Variants in DTNBP1 observed in about 807,000 individuals in gnomAD.
DTNBP1 encodes the protein dystrobrevin binding protein 1, also known as dysbindin.
Under a neutral mutation model 42.8 loss-of-function variants are expected in DTNBP1, and 35 were observed. The observed-to-expected ratio is 0.82, with a 90% CI of 0.63 to 1.09. DTNBP1 has a LOEUF of 1.09. Among genes scored for constraint, DTNBP1 ranks in the 50% least tolerant of loss-of-function variants. The pLI, the probability that DTNBP1 is intolerant of heterozygous loss-of-function variation, is 0.00. For missense variants in DTNBP1, 457 were observed against 424.2 expected, an observed-to-expected ratio of 1.08 and a Z score of -0.68; for synonymous variants, 171 against 162.2, an observed-to-expected ratio of 1.05 and a Z score of -0.41.
chr6:15,620,168 G>A (rs1389090586), intron 5 of DTNBP1, among the ~76,000 whole-genome samples: 3 of 152,018 alleles, frequency 2.0e-5, no homozygotes, highest in Admixed American at 6.6e-5. Context: ...GTAGTTCATG[G>A]TGCTTTTGAA....
intron 7 of DTNBP1, among the ~76,000 whole-genome samples, chr6:15,536,274 G>A (rs754693814): frequency 6.6e-5 from 10 of 152,258 alleles, no homozygotes; most frequent in Non-Finnish European, 1.0e-4. Context: ...AAGACAATGC[G>A]GAAAATGTCT....
chr6:15,612,297 A>C lies in DTNBP1; in HGVS notation c.488+2970T>G, dbSNP rs148961346. Among the ~76,000 whole-genome samples the C allele has an allele frequency of 8.5e-3, 1,297 of 152,024 alleles. 21 individuals carry two copies. Among genetic ancestry groups the C allele is most frequent in the African/African-American group, 0.029 (1,215 of 41,544 alleles). The stretch of plus-strand genomic sequence containing the variant: ...ACATTGTGCTTTAAGACATAATGCT[A>C]GTGCACATTTAATAGACTACATACT... On this transcript the variant is annotated intron_variant, in intron 6 of 9. Coordinates refer to ENST00000344537, the MANE Select transcript of DTNBP1 (RefSeq NM_032122.5).
chr6:15,615,120 T>C (rs759615925), intron 6 of DTNBP1, 147 bp downstream of exon 6: 3 of 1,278,114 alleles, frequency 2.3e-6, no homozygotes, highest in Admixed American at 1.8e-5. Flanking sequence ...ACAGTGGTTT[T>C]TAAAAAAAGT....
Position 15,627,440 on chromosome 6 carries a change from G to A in DTNBP1, c.258C>T (p.His86=). Residue 86 remains histidine, a synonymous_variant, in exon 5 of 10, where the codon CAC becomes CAT. Transcript: ENST00000344537. ...VDSEVVMLSA[H]WEKKKTSLVE... ...CGAGGCTTGTCTTTTTCTTCTCCCA[G>A]TGCGCAGAAAGCATGACCACCTCGC... 1 of 1,614,012 alleles carries A rather than the reference G, an allele frequency of 6.2e-7. No individual in the cohort carries two copies. Among genetic ancestry groups the A allele is most frequent in the Non-Finnish European group, 8.5e-7 (1 of 1,179,982 alleles).
rs77773212 is a variant in DTNBP1 at position 15,575,930 on chromosome 6, C to T, written c.511+17129G>A. On this transcript the variant is annotated intron_variant, in intron 7 of 9. Transcript: ENST00000344537. ...AAAGCTGATGCAAGATGTTGCGCTA[C>T]GTGCTGCTGGCCCATGAGCTGTGAG... Among the ~76,000 whole-genome samples, 261 of 152,256 alleles carry T rather than the reference C, an allele frequency of 1.7e-3. 4 individuals carry two copies. In the East Asian group the frequency reaches 0.034, roughly 20 times the overall value.
In DTNBP1 at chr6:15,628,398, C is replaced by CTTTT. The variant is rs70996561; in HGVS notation, c.223-927_223-924dup. ...ATTTGTACATCTCAAGATTAAGGTT[C>CTTTT]TTTTTTTTTTTTTTTTTTTTTTTTG... On this transcript the variant is annotated intron_variant, in intron 4 of 9. Coordinates refer to ENST00000344537, the MANE Select transcript of DTNBP1 (RefSeq NM_032122.5). Among the ~76,000 whole-genome samples, 585 of 77,064 alleles carry CTTTT rather than the reference C, an allele frequency of 7.6e-3. 11 individuals are homozygous for CTTTT. The highest frequency in any genetic ancestry group is 0.015 in the African/African-American group (275 of 18,794). 50.6% of individuals were successfully genotyped at this position (77,064 alleles called of 152,430 possible).
At position 15,523,213 on chromosome 6, in the gene DTNBP1, T is replaced by G. The variant is rs1213871304; in HGVS notation, c.818A>C (p.Glu273Ala). Reference protein sequence around the residue: ...NTVLSPALGPESSTCQNEITL... With the variant: ...NTVLSPALGPASSTCQNEITL... ...AATCTCATTCTGACAGGTACTGGATTCAGGCCCTGCAAAATAACGTAGGGA... is the reference window on the plus strand; with the variant it reads ...AATCTCATTCTGACAGGTACTGGATGCAGGCCCTGCAAAATAACGTAGGGA... Residue 273 changes from glutamate to alanine, a missense_variant, in exon 10 of 10, where the codon GAA becomes GCA. By Grantham distance (107) the Glu-to-Ala change is moderately radical (BLOSUM62 -1). Coordinates refer to ENST00000344537, the MANE Select transcript of DTNBP1 (RefSeq NM_032122.5). The G allele has an allele frequency of 1.9e-6, 3 of 1,614,022 alleles. No individual in the cohort carries two copies. The Admixed American group carries it at 5.0e-5, about 27-fold the overall frequency.
At chr6:15,545,867 G>C (rs921666873) in intron 7 of DTNBP1, among the ~76,000 whole-genome samples, 11 of 152,118 alleles carry the variant, frequency 7.2e-5, no homozygotes, top group African/African-American at 2.7e-4. Context: ...AGTTAAGACA[G>C]AATGCTCAAC....
chr6:15,548,963 T>TC (rs773944017), intron 7 of DTNBP1, among the ~76,000 whole-genome samples: 9 of 152,360 alleles, frequency 5.9e-5, no homozygotes, highest in Non-Finnish European at 8.8e-5. Context: ...TCTATCTTAT[T>TC]CATTCAAGAA....
At chr6:15,524,051 A>G (rs2127786223) in intron 9 of DTNBP1, 6 of 1,297,570 alleles carry the variant, frequency 4.6e-6, no homozygotes, top group Non-Finnish European at 6.0e-6. Context: ...GAAGGGATGA[A>G]AGGAACTGAA....
intron 7 of DTNBP1, among the ~76,000 whole-genome samples, chr6:15,535,615 C>G (rs1031474549): frequency 6.6e-6 from 1 of 152,180 alleles, no homozygotes; most frequent in African/African-American, 2.4e-5. Flanking sequence ...CCTCACCCAG[C>G]CTCAGGTATT....
intron 8 of DTNBP1, among the ~76,000 whole-genome samples, chr6:15,525,792 G>A (rs907309512): frequency 1.2e-4 from 18 of 152,180 alleles, no homozygotes; most frequent in African/African-American, 2.7e-4. Context: ...ATGCAGAAGC[G>A]TAGCATCTGG....
intron 3 of DTNBP1, among the ~76,000 whole-genome samples, chr6:15,648,654 CA>C (rs529141901): frequency 2.8e-4 from 43 of 151,634 alleles, no homozygotes; most frequent in Non-Finnish European, 4.6e-4. Flanking sequence ...ATGATAGCAT[CA>C]AAAAATACTT....
Position 15,533,491 on chromosome 6 carries a change from G to C in DTNBP1, c.512-96C>G, listed in dbSNP as rs1005528477. 2.5e-6 allele frequency: 4 copies of C among 1,578,792 alleles called. No individual in the cohort carries two copies. In the African/African-American group the frequency reaches 4.0e-5, roughly 16 times the overall value. ...CTCGCATCCACCCTCCAAGTGGATG[G>C]AGTCATGCCGCGTTTACAGACTGGG... On this transcript the variant is annotated intron_variant, in intron 7 of 9. Transcript: ENST00000344537.
Position 15,572,887 on chromosome 6 carries a change from A to G in DTNBP1, c.511+20172T>C, listed in dbSNP as rs1290372713. 5.9e-5 allele frequency among the ~76,000 whole-genome samples: 9 copies of G among 152,044 alleles called. No homozygotes were observed. In the East Asian group the frequency reaches 1.7e-3, roughly 29 times the overall value. ...GCTTGGACTACAGGTATGCACCACC[A>G]CAACCAGCTAATTTTTTAATTATTT... On this transcript the variant is annotated intron_variant, in intron 7 of 9. Coordinates refer to ENST00000344537, the MANE Select transcript of DTNBP1 (RefSeq NM_032122.5).
intron 3 of DTNBP1, among the ~76,000 whole-genome samples, chr6:15,640,050 C>T (rs2743864): frequency 0.15 from 23,507 of 152,152 alleles, 2,706 homozygotes; most frequent in African/African-American, 0.32. Context: ...GATTTTCCTA[C>T]TGTTTTCAGC....
chr6:15,628,449 A>G (rs1759487858), intron 4 of DTNBP1, among the ~76,000 whole-genome samples: 1 of 116,014 alleles, frequency 8.6e-6, no homozygotes, highest in Non-Finnish European at 1.6e-5. Flanking sequence ...CTTGTTGCCC[A>G]GGCTGGAGTG....
chr6:15,617,997 T>C (rs975315394), intron 5 of DTNBP1, among the ~76,000 whole-genome samples: 7 of 152,140 alleles, frequency 4.6e-5, no homozygotes, highest in South Asian at 4.1e-4. Context: ...TAATATCCTT[T>C]CCTTTGAATA....
Position 15,615,368 on chromosome 6 carries a change from C to T in DTNBP1, c.387G>A (p.Glu129=), listed in dbSNP as rs781402473. 3 of 1,614,048 alleles carry T rather than the reference C, an allele frequency of 1.9e-6. No homozygotes were observed. The highest frequency in any genetic ancestry group is 1.6e-4 in the Middle Eastern group (1 of 6,062). ...AGTCTTCCAGATGCAGCAGGTTGTT[C>T]TCTACCTCCTCAAAACTCGCCTCTA... The part of the protein sequence containing the change: ...THLEASFEEV[E]NNLLHLEDLC... Residue 129 remains glutamate, a synonymous_variant, in exon 6 of 10, where the codon GAG becomes GAA. Transcript: ENST00000344537.
Sources: allele counts gnomAD v4.1 joint callset (sites outside exome capture counted in the v4.1 genomes callset), GRCh38; gene constraint gnomAD v4.1.1; transcripts MANE v1.5; gene names NCBI Gene and HGNC (gene_info 2026-07-23, HGNC 2026-07-21).